The following MAK variants were observed in gnomAD, a reference collection of about 807,000 sequenced individuals.
MAK encodes the protein serine/threonine-protein kinase MAK.
MAK carries 65 observed loss-of-function variants against 82.6 expected under a neutral mutation model. That is an observed-to-expected ratio of 0.79 (90% confidence interval 0.64 to 0.97). The LOEUF (loss-of-function observed/expected upper bound fraction) is 0.97, where lower values mean the gene tolerates loss of function less well. Ranked by LOEUF, MAK falls within the 50% of genes least tolerant of loss-of-function variation. The pLI is 0.00. For synonymous variants in MAK, 250 were observed against 274.2 expected, an observed-to-expected ratio of 0.91 and a Z score of 0.87; for missense variants, 703 against 780.2, an observed-to-expected ratio of 0.90 and a Z score of 1.18.
chr6:10,819,854 T>C (rs1777788888), intron 2 of MAK, among the ~76,000 whole-genome samples: 1 of 152,154 alleles, frequency 6.6e-6, no homozygotes, highest in African/African-American at 2.4e-5. Context: ...GGCTCACACC[T>C]GTAAGCCCAG....
chr6:10,777,947 A>G (rs553445135), intron 11 of MAK, among the ~76,000 whole-genome samples: 1 of 152,258 alleles, frequency 6.6e-6, no homozygotes, highest in East Asian at 1.9e-4. Flanking sequence ...CTCAAGGTCT[A>G]TTTAAGATAA....
chr6:10,826,231 A>G (rs1294907649), intron 2 of MAK, among the ~76,000 whole-genome samples: 1 of 151,760 alleles, frequency 6.6e-6, no homozygotes, highest in Non-Finnish European at 1.5e-5. Context: ...TACTCCCTGG[A>G]GCATTTCCCC....
At position 10,830,220 on chromosome 6, in the gene MAK, C is replaced by T. The variant is rs373206526; in HGVS notation, c.101+328G>A. On this transcript the variant is annotated intron_variant, in intron 2 of 14. Coordinates refer to ENST00000354489, the MANE Select transcript of MAK (RefSeq NM_001242957.3). ...TCACTGTATCACCCAGGCTGGAGTGCGGTGGCGCGATCTCAGCTCACTGCA... is the reference window on the plus strand; with the variant it reads ...TCACTGTATCACCCAGGCTGGAGTGTGGTGGCGCGATCTCAGCTCACTGCA... 1.1e-4 allele frequency among the ~76,000 whole-genome samples: 16 copies of T among 151,190 alleles called. No individual in the cohort carries two copies. In the South Asian group the frequency reaches 1.3e-3, roughly 12 times the overall value.
intron 6 of MAK, among the ~76,000 whole-genome samples, chr6:10,807,702 G>T (rs998608211): frequency 5.9e-5 from 9 of 151,938 alleles, no homozygotes; most frequent in Non-Finnish European, 1.2e-4. Context: ...GGCATGTGTT[G>T]TAAGAGTAGA....
chr6:10,778,050 CTG>C (rs1023586339), intron 11 of MAK, among the ~76,000 whole-genome samples: 2 of 152,272 alleles, frequency 1.3e-5, no homozygotes, highest in Admixed American at 6.5e-5. Flanking sequence ...AAACCAAACA[CTG>C]TTAGGAAGAA....
intron 14 of MAK, 71 bp from the exon 15 acceptor site, chr6:10,764,677 T>G: frequency 7.5e-7 from 1 of 1,335,620 alleles, no homozygotes. Flanking sequence ...AAGAAATTCA[T>G]CCTCTCATTT....
intron 14 of MAK, among the ~76,000 whole-genome samples, chr6:10,768,543 T>G (rs575714480): frequency 2.7e-4 from 41 of 152,314 alleles, no homozygotes; most frequent in African/African-American, 9.4e-4. Context: ...ATCACACCAC[T>G]GCACTCCAGC....
At chr6:10,827,582 T>C (rs1778478420) in intron 2 of MAK, 1 of 152,206 alleles carries the variant, frequency 6.6e-6, no homozygotes, top group African/African-American at 2.4e-5. Context: ...TTAATATGAA[T>C]TATATAGGTT....
chr6:10,805,623 C>A (rs1249836406), intron 6 of MAK, among the ~76,000 whole-genome samples: 1 of 151,168 alleles, frequency 6.6e-6, no homozygotes, highest in Non-Finnish European at 1.5e-5. Flanking sequence ...AGAAACGTGC[C>A]ATAAAATTGT....
At chr6:10,772,977 A>G in intron 13 of MAK, 57 bp downstream of exon 13, 1 of 1,191,750 alleles carries the variant, frequency 8.4e-7, no homozygotes, top group Non-Finnish European at 1.2e-6. Flanking sequence ...TGTTGAGAAG[A>G]AAATCAGACA....
At chr6:10,767,293 A>G (rs928251667) in intron 14 of MAK, among the ~76,000 whole-genome samples, 19 of 152,318 alleles carry the variant, frequency 1.2e-4, no homozygotes, top group African/African-American at 4.6e-4. Flanking sequence ...GCGGATCATA[A>G]TAGTACCTCC....
intron 10 of MAK, among the ~76,000 whole-genome samples, chr6:10,786,199 C>T (rs541272122): frequency 6.6e-6 from 1 of 152,256 alleles, no homozygotes; most frequent in Non-Finnish European, 1.5e-5. Context: ...GAGCCAAGAT[C>T]GCACCACTGC....
intron 6 of MAK, among the ~76,000 whole-genome samples, chr6:10,805,723 G>C (rs1472295075): frequency 5.3e-5 from 8 of 152,154 alleles, no homozygotes; most frequent in Non-Finnish European, 1.2e-4. Flanking sequence ...ATGATGTTAA[G>C]TGAGAACTTA....
intron 13 of MAK, 46 bp downstream of exon 13, chr6:10,772,988 A>C: frequency 4.8e-6 from 6 of 1,246,640 alleles, no homozygotes; most frequent in Non-Finnish European, 6.8e-6. Context: ...AAATCAGACA[A>C]GAGATTCAAA....
At chr6:10,826,034 C>T (rs773338349) in intron 2 of MAK, among the ~76,000 whole-genome samples, 10 of 152,130 alleles carry the variant, frequency 6.6e-5, no homozygotes, top group Non-Finnish European at 1.2e-4. Context: ...TCCTTCATGA[C>T]CTTCTAGTCT....
rs1776690460 is a variant in MAK at position 10,808,739 on chromosome 6, T to C, written c.491+71A>G. The C allele has an allele frequency of 2.1e-6, 3 of 1,415,182 alleles. No individual in the cohort carries two copies. The African/African-American group carries it at 4.2e-5, about 20-fold the overall frequency. 87.7% of individuals were successfully genotyped at this position (1,415,182 alleles called of 1,614,324 possible). A position where few individuals can be genotyped will look rare whatever the true frequency, so the allele number is the denominator to read the frequency against. Reference sequence around the variant, plus strand: ...ATTCAATATGGAACTTCCAGAAATATGTAACAATCCATCGTAGGAAAATTT... The same window carrying C: ...ATTCAATATGGAACTTCCAGAAATACGTAACAATCCATCGTAGGAAAATTT... On this transcript the variant is annotated intron_variant, in intron 6 of 14. Coordinates refer to ENST00000354489, the MANE Select transcript of MAK (RefSeq NM_001242957.3).
intron 3 of MAK, among the ~76,000 whole-genome samples, chr6:10,818,375 A>G (rs1777653778): frequency 6.6e-6 from 1 of 152,202 alleles, no homozygotes; most frequent in Non-Finnish European, 1.5e-5. Flanking sequence ...GCACTTTGGG[A>G]GGCTGAGGCG....
intron 2 of MAK, among the ~76,000 whole-genome samples, chr6:10,827,214 G>T (rs1379903088): frequency 6.6e-6 from 1 of 152,142 alleles, no homozygotes; most frequent in Non-Finnish European, 1.5e-5. Flanking sequence ...AAACCAGACA[G>T]TAATAACCAT....
At chr6:10,809,248 T>C (rs769035020) in intron 5 of MAK, among the ~76,000 whole-genome samples, 4 of 152,194 alleles carry the variant, frequency 2.6e-5, no homozygotes, top group Non-Finnish European at 4.4e-5. Flanking sequence ...TACCACACTA[T>C]GATTATCTCC....
Sources: gnomAD v4.1 joint callset for allele counts (sites outside exome capture counted in the v4.1 genomes callset) on GRCh38, gnomAD v4.1.1 for gene constraint, MANE v1.5 for transcripts, NCBI Gene and HGNC (gene_info 2026-07-23, HGNC 2026-07-21) for gene names.